Variants in THBS2 observed in about 807,000 individuals in gnomAD.
THBS2 encodes thrombospondin 2, also known as thrombospondin-2.
In THBS2, 47 loss-of-function variants were observed where a neutral mutation model predicts 135.2. The observed-to-expected ratio is 0.35, with a 90% CI of 0.28 to 0.44. THBS2 has a LOEUF of 0.44. Among genes scored for constraint, THBS2 ranks in the 20% least tolerant of loss-of-function variants. The pLI is 1.00. For missense variants in THBS2, 1,288 were observed against 1,603.1 expected (o/e 0.80, Z 3.36); for synonymous variants, 639 against 633.8 (o/e 1.01, Z -0.12).
At chr6:169,244,757 G>A (rs1780487421) in intron 4 of THBS2, among the ~76,000 whole-genome samples, 1 of 152,154 alleles carries the variant, frequency 6.6e-6, no homozygotes, top group African/African-American at 2.4e-5. Context: ...GCAGAGTGCT[G>A]GAGCCAAGAT....
intron 4 of THBS2, among the ~76,000 whole-genome samples, chr6:169,244,707 C>T (rs1189405041): frequency 1.3e-5 from 2 of 152,156 alleles, no homozygotes; most frequent in African/African-American, 4.8e-5. Flanking sequence ...CCCAGGAACC[C>T]CCAGAAGAGC....
chr6:169,225,071 C>G (rs984400378), intron 17 of THBS2, 74 bp downstream of exon 17: 32 of 1,394,214 alleles, frequency 2.3e-5, no homozygotes, highest in Non-Finnish European at 3.1e-5. Flanking sequence ...GATCTCCGTG[C>G]ATACATATCT....
rs559051778 is a variant in THBS2, at chr6:169,225,199, C to A, written c.2719G>T (p.Asp907Tyr). 4 of 1,614,216 alleles carry A rather than the reference C, an allele frequency of 2.5e-6. No homozygotes were observed. Reference protein sequence around the residue: ...DPDDDNDGVPDDRDNCRLVFN... With the variant: ...DPDDDNDGVPYDRDNCRLVFN... ...ACAAGCCGGCAGTTGTCCCTGTCAT[C>A]GGGGACGCCATCGTTGTCATCATCA... Residue 907 changes from aspartate (D) to tyrosine (Y), a missense_variant, in exon 17 of 22, where the codon GAT (aspartate) becomes TAT (tyrosine). Physicochemically the swap from Asp to Tyr is radical, Grantham distance 160 (BLOSUM62 -3). Transcript: ENST00000617924.
intron 13 of THBS2, among the ~76,000 whole-genome samples, chr6:169,231,756 T>C (rs987941123): frequency 6.6e-6 from 1 of 152,232 alleles, no homozygotes; most frequent in African/African-American, 2.4e-5. Context: ...CGAGGTTCTC[T>C]GTGCCCAGCA....
At position 169,232,970 on chromosome 6, in the gene THBS2, A is replaced by G; in HGVS notation, c.1699T>C (p.Phe567Leu). The G allele has an allele frequency of 1.9e-6, 3 of 1,556,664 alleles. No homozygotes were observed. The highest frequency in any genetic ancestry group is 2.6e-6 in the Non-Finnish European group (3 of 1,152,478). ...CCGCATGACCAGGACCCATCGGGGA[A>G]GCTGCTGCACTGGGCTCCCGGGAAG... ...PCFPGAQCSS[F>L]PDGSWSCGSC... Residue 567 changes from phenylalanine to leucine, a missense_variant, in exon 11 of 22, where the codon TTC (phenylalanine) becomes CTC (leucine). Coordinates refer to ENST00000617924, the MANE Select transcript of THBS2 (RefSeq NM_003247.5).
At chr6:169,240,358 A>C (rs1472665613) in intron 6 of THBS2, 94 bp downstream of exon 6, 3 of 1,528,314 alleles carry the variant, frequency 2.0e-6, no homozygotes, top group Non-Finnish European at 2.7e-6. Flanking sequence ...GGTTTCACAC[A>C]TCAGCACTGA....
chr6:169,242,601 TTCCCACCTTCCCACCGC>T (rs1562363006), intron 4 of THBS2, among the ~76,000 whole-genome samples: 1,893 of 70,770 alleles, frequency 0.027, 129 homozygotes, highest in East Asian at 0.031. Context: ...CCTTCCCACA[TTCCCACCTTCCCACCGC>T]TCCCACCTTC....
At chr6:169,249,075 C>G (rs966318233) in intron 2 of THBS2, 102 bp from the exon 3 acceptor site, 2 of 1,137,742 alleles carry the variant, frequency 1.8e-6, no homozygotes, top group African/African-American at 1.6e-5. Context: ...AGGAAATTAA[C>G]GAGGCCTCCC....
At position 169,244,486 on chromosome 6, in the gene THBS2, CAT is replaced by C. The variant is rs570200475; in HGVS notation, c.694+1709_694+1710del. On this transcript the variant is annotated intron_variant, in intron 4 of 21. Transcript: ENST00000617924. ...AACCCACGTGAAATTATAGTACAAA[CAT>C]GTGATTAGGAACACCGCGAAGGGTA... Among the ~76,000 whole-genome samples, 557 of 152,168 alleles carry C rather than the reference CAT, an allele frequency of 3.7e-3. 1 individual carries two copies. The highest frequency in any genetic ancestry group is 5.2e-3 in the Non-Finnish European group (355 of 68,026).
At chr6:169,231,919 C>T in intron 13 of THBS2, 61 bp downstream of exon 13, 24 of 1,578,884 alleles carry the variant, frequency 1.5e-5, no homozygotes, top group Non-Finnish European at 2.0e-5. Flanking sequence ...GTAGCGTCCC[C>T]GGCGCCAGGA....
intron 3 of THBS2, among the ~76,000 whole-genome samples, chr6:169,247,296 G>A (rs1780582983): frequency 6.6e-6 from 1 of 152,232 alleles, no homozygotes; most frequent in Non-Finnish European, 1.5e-5. Flanking sequence ...GAGTGCCTGT[G>A]TGAAAGTACG....
At chr6:169,249,038 G>A in intron 2 of THBS2, 65 bp from the exon 3 acceptor site, 3 of 1,486,758 alleles carry the variant, frequency 2.0e-6, no homozygotes, top group Non-Finnish European at 2.7e-6. Context: ...GCCTGACCCA[G>A]GGTGACAAAC....
intron 16 of THBS2, among the ~76,000 whole-genome samples, chr6:169,225,791 G>T (rs1779606261): frequency 6.6e-6 from 1 of 152,298 alleles, no homozygotes; most frequent in Admixed American, 6.5e-5. Context: ...ACCTGGAAAT[G>T]AAGCCAATTC....
At chr6:169,230,127 A>G (rs1423623181) in intron 13 of THBS2, among the ~76,000 whole-genome samples, 2 of 152,224 alleles carry the variant, frequency 1.3e-5, no homozygotes, top group Non-Finnish European at 2.9e-5. Flanking sequence ...TCTTTCAAAT[A>G]TGTATGTGAT....
intron 4 of THBS2, among the ~76,000 whole-genome samples, chr6:169,243,064 CTCCCACCT>C (rs1353046492): frequency 3.8e-5 from 2 of 52,786 alleles, no homozygotes; most frequent in East Asian, 8.7e-4. Flanking sequence ...CTTCCCACCA[CTCCCACCT>C]TCCCACCTTC....
At position 169,239,590 on chromosome 6, in the gene THBS2, G is replaced by C; in HGVS notation, c.1129+9C>G. On this transcript the variant is annotated intron_variant, in intron 7 of 21. Coordinates refer to ENST00000617924, the MANE Select transcript of THBS2 (RefSeq NM_003247.5). ...ATGCAGGATGCGCTTGCCGGCTGGC[G>C]ATACTCACAGTGGAGGCAGGAAGGG... is the stretch of plus-strand genomic sequence containing the variant. 6.3e-7 allele frequency: 1 copy of C among 1,592,254 alleles called. No individual in the cohort carries two copies. The highest frequency in any genetic ancestry group is 8.6e-7 in the Non-Finnish European group (1 of 1,169,226).
At chr6:169,240,692 CT>C (rs1780259269) in intron 5 of THBS2, 100 bp from the exon 6 acceptor site, 1 of 1,448,372 alleles carries the variant, frequency 6.9e-7, no homozygotes, top group Middle Eastern at 2.0e-4. Context: ...CATTAAAAAG[CT>C]CTAAAGTCAA....
At chr6:169,229,709 A>G in intron 13 of THBS2, 30 bp from the exon 14 acceptor site, 1 of 1,576,964 alleles carries the variant, frequency 6.3e-7, no homozygotes, top group Non-Finnish European at 8.7e-7. Flanking sequence ...AATACTTGGA[A>G]AAACATTTAG....
chr6:169,247,306 G>A (rs7381832), intron 3 of THBS2, among the ~76,000 whole-genome samples: 22,786 of 152,224 alleles, frequency 0.15, 1,864 homozygotes, highest in East Asian at 0.23. Context: ...GTGAAAGTAC[G>A]TATGTGCTGA....
Sources: gnomAD v4.1 joint callset for allele counts (sites outside exome capture counted in the v4.1 genomes callset) on GRCh38, gnomAD v4.1.1 for gene constraint, MANE v1.5 for transcripts, NCBI Gene and HGNC (gene_info 2026-07-23, HGNC 2026-07-21) for gene names.